PTPRD: variants seen among roughly 807,000 people sequenced by gnomAD.
The protein encoded by PTPRD is receptor-type tyrosine-protein phosphatase delta.
Under a neutral mutation model 214.5 loss-of-function variants are expected in PTPRD, and 34 were observed. The ratio of observed to expected loss-of-function variants is 0.16; its 90% CI spans 0.12 to 0.21. The LOEUF is 0.21. Ranked by LOEUF, PTPRD falls within the 10% of genes least tolerant of loss-of-function variation. PTPRD has a pLI of 1.00. For missense variants in PTPRD, 2,545 were observed against 2,398.7 expected (o/e 1.06, Z -1.27); for synonymous variants, 1,128 against 845.7 (o/e 1.33, Z -5.79).
chr9:8,945,081 A>C (rs2099055622), intron 11 of PTPRD, among the ~76,000 whole-genome samples: 1 of 152,098 alleles, frequency 6.6e-6, no homozygotes, highest in South Asian at 2.1e-4. Flanking sequence ...AAAATTACAA[A>C]AAGGGAAAGA....
At chr9:9,371,738 T>C (rs1413123270) in intron 9 of PTPRD, among the ~76,000 whole-genome samples, 12 of 152,174 alleles carry the variant, frequency 7.9e-5, no homozygotes, top group Non-Finnish European at 1.6e-4. Context: ...CTGCTTTCTC[T>C]TGTGGGCATT....
At position 9,113,126 on chromosome 9, in the gene PTPRD, G is replaced by A. The variant is rs536006656; in HGVS notation, c.-143+70178C>T. On this transcript the variant is annotated intron_variant, in intron 10 of 45. Transcript: ENST00000381196. The stretch of plus-strand genomic sequence containing the variant: ...ACTATGGATGTGTACCACCATGCCC[G>A]GCTAATTAAAAAATATATATATATT... Among the ~76,000 whole-genome samples the A allele has an allele frequency of 8.0e-5, 12 of 150,782 alleles. No homozygotes were observed. The South Asian group carries it at 8.4e-4, about 11-fold the overall frequency.
chr9:10,038,812 T>A (rs1023095837), intron 3 of PTPRD, among the ~76,000 whole-genome samples: 3 of 152,098 alleles, frequency 2.0e-5, no homozygotes, highest in African/African-American at 2.4e-5. Context: ...AAATGTTGTA[T>A]TATTATTGTA....
chr9:9,928,755 T>TACACACACACACACACACACACAC (rs545488105), intron 5 of PTPRD, among the ~76,000 whole-genome samples: 6 of 109,624 alleles, frequency 5.5e-5, no homozygotes, highest in African/African-American at 2.2e-4. Context: ...TCTCTCTCTC[T>TACACACACACACACACACACACAC]ATACACACAC....
At chr9:10,596,283 A>C (rs1395804442) in intron 2 of PTPRD, among the ~76,000 whole-genome samples, 1 of 151,680 alleles carries the variant, frequency 6.6e-6, no homozygotes, top group Non-Finnish European at 1.5e-5. Flanking sequence ...TGAACACACA[A>C]AAAGTAAAAG....
At position 9,058,442 on chromosome 9, in the gene PTPRD, G is replaced by GTTTTTTTTTTTTTTTTT. The variant is rs777910266; in HGVS notation, c.-142-39724_-142-39708dup. Among the ~76,000 whole-genome samples the GTTTTTTTTTTTTTTTTT allele has an allele frequency of 4.1e-3, 284 of 69,908 alleles. 90 individuals are homozygous for GTTTTTTTTTTTTTTTTT. Among genetic ancestry groups the GTTTTTTTTTTTTTTTTT allele is most frequent in the South Asian group, 5.9e-3 (7 of 1,196 alleles). The allele number at this position is 69,908 out of a possible 152,430, so 45.9% of individuals were successfully genotyped here. ...TATTGGTGAGAGAAATATTATGAGG[G>GTTTTTTTTTTTTTTTTT]TTTTTTTTTTTTTTTTTTTTTTTTT... On this transcript the variant is annotated intron_variant, in intron 10 of 45. Coordinates refer to ENST00000381196, the MANE Select transcript of PTPRD (RefSeq NM_002839.4).
chr9:9,401,675 C>T (rs748446258), intron 8 of PTPRD, among the ~76,000 whole-genome samples: 4 of 151,746 alleles, frequency 2.6e-5, no homozygotes, highest in African/African-American at 7.3e-5. Flanking sequence ...ACGTACCCAC[C>T]GGAATCGCAT....
Position 10,527,152 on chromosome 9 carries a change from G to C in PTPRD, c.-600+85246C>G, listed in dbSNP as rs558609523. On this transcript the variant is annotated intron_variant, in intron 2 of 45. Transcript: ENST00000381196. ...CACCAGGCTATGGTGTGAATAGACA[G>C]AAACTAAGAATAAACAATTAAATTG... Among the ~76,000 whole-genome samples the C allele has an allele frequency of 2.0e-5, 3 of 152,228 alleles. No individual in the cohort carries two copies. The East Asian group carries it at 5.8e-4, about 29-fold the overall frequency.
At position 8,934,431 on chromosome 9, in the gene PTPRD, A is replaced by G. The variant is rs1158012013; in HGVS notation, c.-104+84266T>C. 5.3e-3 allele frequency among the ~76,000 whole-genome samples: 247 copies of G among 46,300 alleles called. 12 individuals are homozygous for G. Among genetic ancestry groups the G allele is most frequent in the Middle Eastern group, 0.011 (1 of 90 alleles). The allele number at this position is 46,300 out of a possible 152,430, so 30.4% of individuals were successfully genotyped here. A position where few individuals can be genotyped will look rare whatever the true frequency, so the allele number is the denominator to read the frequency against. On this transcript the variant is annotated intron_variant, in intron 11 of 45. Coordinates refer to ENST00000381196, the MANE Select transcript of PTPRD (RefSeq NM_002839.4). ...TGTGTGTGTGTGTGTGTATATATAT[A>G]TATAAATATATATATAAATTTATAT...
rs533405674 is a variant in PTPRD at position 8,935,073 on chromosome 9, A to G, written c.-104+83624T>C. Among the ~76,000 whole-genome samples the G allele has an allele frequency of 2.6e-5, 4 of 152,264 alleles. No homozygotes were observed. The South Asian group carries it at 8.3e-4, about 32-fold the overall frequency. On this transcript the variant is annotated intron_variant, in intron 11 of 45. Coordinates refer to ENST00000381196, the MANE Select transcript of PTPRD (RefSeq NM_002839.4). ...TTTCTTTATCCATTTATCTGTTGAT[A>G]AACACAGACTGATTTCATATATTGG...
intron 2 of PTPRD, among the ~76,000 whole-genome samples, chr9:10,366,121 C>T (rs1022622283): frequency 6.6e-6 from 1 of 152,112 alleles, no homozygotes; most frequent in African/African-American, 2.4e-5. Flanking sequence ...GTTTGTCTGA[C>T]ATGTGGGAGG....
At chr9:9,703,580 C>T (rs569748119) in intron 7 of PTPRD, among the ~76,000 whole-genome samples, 3 of 152,032 alleles carry the variant, frequency 2.0e-5, no homozygotes, top group African/African-American at 7.2e-5. Context: ...TTTTGAGAAA[C>T]ATTGATGCAT....
intron 8 of PTPRD, among the ~76,000 whole-genome samples, chr9:9,539,774 G>C (rs2077215801): frequency 6.6e-6 from 1 of 151,880 alleles, no homozygotes; most frequent in African/African-American, 2.4e-5. Flanking sequence ...TGCTGCTTTG[G>C]TTCAGCATAT....
intron 33 of PTPRD, chr9:8,454,548 A>C: frequency 6.2e-7 from 1 of 1,611,760 alleles, no homozygotes. Context: ...TTTCTTACTG[A>C]ACATTAAAGG....
At chr9:9,790,490 T>C (rs2098959580) in intron 5 of PTPRD, among the ~76,000 whole-genome samples, 1 of 152,242 alleles carries the variant, frequency 6.6e-6, no homozygotes, top group African/African-American at 2.4e-5. Context: ...CCCTTCTGCC[T>C]GATTTCAGTG....
intron 11 of PTPRD, among the ~76,000 whole-genome samples, chr9:8,782,673 C>A (rs893994293): frequency 9.3e-5 from 14 of 150,048 alleles, no homozygotes; most frequent in African/African-American, 3.4e-4. Flanking sequence ...TCTCGGCTCA[C>A]TGCAACCTCC....
intron 2 of PTPRD, among the ~76,000 whole-genome samples, chr9:10,482,111 C>T (rs551238467): frequency 8.5e-5 from 13 of 152,236 alleles, no homozygotes; most frequent in South Asian, 4.1e-4. Context: ...GTGGCTCACG[C>T]CTGTAATCCC....
At chr9:9,021,080 G>T (rs1240578271) in intron 10 of PTPRD, among the ~76,000 whole-genome samples, 1 of 151,936 alleles carries the variant, frequency 6.6e-6, no homozygotes, top group Admixed American at 6.6e-5. Flanking sequence ...TATCCTCAAA[G>T]GTCTCTAAAT....
At chr9:8,639,663 G>C (rs1036793186) in intron 12 of PTPRD, among the ~76,000 whole-genome samples, 1 of 152,196 alleles carries the variant, frequency 6.6e-6, no homozygotes, top group Non-Finnish European at 1.5e-5. Flanking sequence ...ATGAAGAAGA[G>C]TTGGCAATTC....
Sources: allele counts gnomAD v4.1 joint callset (sites outside exome capture counted in the v4.1 genomes callset), GRCh38; gene constraint gnomAD v4.1.1; transcripts MANE v1.5; gene names NCBI Gene and HGNC (gene_info 2026-07-23, HGNC 2026-07-21).